Variants in TBL1Y observed in about 807,000 individuals in gnomAD.
TBL1Y encodes F-box-like/WD repeat-containing protein TBL1Y.
In TBL1Y, 15 loss-of-function variants were observed where a neutral mutation model predicts 12.0. That is an observed-to-expected ratio of 1.25 (90% CI 0.83 to 1.92). The LOEUF (loss-of-function observed/expected upper bound fraction) is 1.92, where lower values mean the gene tolerates loss of function less well. TBL1Y is among the 40% of genes most tolerant of loss of function. The pLI is 0.00. For synonymous variants in TBL1Y, 53 were observed against 42.6 expected, an observed-to-expected ratio of 1.24 and a Z score of -0.95; for missense variants, 148 against 116.7, an observed-to-expected ratio of 1.27 and a Z score of -1.24.
intron 5 of TBL1Y, among the ~76,000 whole-genome samples, chrY:7,023,501 T>C (rs2012594387): frequency 3.0e-5 from 1 of 33,099 alleles, no homozygotes; most frequent in African/African-American, 1.2e-4. Flanking sequence ...CTGTTGTAAA[T>C]CGAGAAGGAC....
At chrY:6,998,323 C>G in intron 4 of TBL1Y, among the ~76,000 whole-genome samples, 1 of 33,586 alleles carries the variant, frequency 3.0e-5, no homozygotes, top group Non-Finnish European at 7.3e-5. Flanking sequence ...TTCATGCCCT[C>G]TCTTTGGAGC....
At chrY:7,032,147 T>G (rs2012660036) in intron 6 of TBL1Y, among the ~76,000 whole-genome samples, 1 of 32,215 alleles carries the variant, frequency 3.1e-5, no homozygotes, top group African/African-American at 1.2e-4. Flanking sequence ...ACACCCTATC[T>G]CCACGAAAAA....
At chrY:6,917,102 TG>T (rs2011739943) in intron 2 of TBL1Y, among the ~76,000 whole-genome samples, 1 of 34,272 alleles carries the variant, frequency 2.9e-5, no homozygotes, top group Non-Finnish European at 7.3e-5. Flanking sequence ...TCCCCAGCCT[TG>T]GGCCTCAGGC....
chrY:6,941,148 CAG>C (rs2011949516), intron 2 of TBL1Y, among the ~76,000 whole-genome samples: 1 of 33,198 alleles, frequency 3.0e-5, no homozygotes, highest in African/African-American at 1.2e-4. Flanking sequence ...ATTCTGGGAT[CAG>C]GGGATCCTGG....
intron 6 of TBL1Y, among the ~76,000 whole-genome samples, chrY:7,041,931 C>T: frequency 3.1e-5 from 1 of 32,174 alleles, no homozygotes; most frequent in South Asian, 7.7e-4. Flanking sequence ...CCAACAGCTT[C>T]ATCAAGAGCC....
intron 14 of TBL1Y, among the ~76,000 whole-genome samples, chrY:7,082,672 C>G: frequency 6.0e-5 from 2 of 33,554 alleles, no homozygotes; most frequent in Admixed American, 5.4e-4. Flanking sequence ...ACCTCCTGAG[C>G]TCTCATTGCC....
At chrY:6,942,037 C>T (rs2011955820) in intron 2 of TBL1Y, among the ~76,000 whole-genome samples, 1 of 32,730 alleles carries the variant, frequency 3.1e-5, no homozygotes, top group African/African-American at 1.2e-4. Context: ...CGCCTGTAAT[C>T]TCAGCTACTT....
At chrY:6,979,125 G>A (rs2124127115) in intron 3 of TBL1Y, among the ~76,000 whole-genome samples, 2 of 32,819 alleles carry the variant, frequency 6.1e-5, no homozygotes, top group East Asian at 1.6e-3. Flanking sequence ...AGTAGAGATG[G>A]GGTTTCACCA....
At chrY:7,052,296 T>C in intron 7 of TBL1Y, among the ~76,000 whole-genome samples, 1 of 33,647 alleles carries the variant, frequency 3.0e-5, no homozygotes, top group Non-Finnish European at 7.3e-5. Flanking sequence ...TAAGTCTACA[T>C]ACAAATAAAC....
intron 2 of TBL1Y, among the ~76,000 whole-genome samples, chrY:6,931,191 G>C (rs200092693): frequency 3.0e-5 from 1 of 33,465 alleles, no homozygotes; most frequent in East Asian, 7.9e-4. Flanking sequence ...TCGGGACTTC[G>C]AGGCCAACTT....
At chrY:6,975,069 A>G (rs2012229070) in intron 2 of TBL1Y, among the ~76,000 whole-genome samples, 1 of 33,617 alleles carries the variant, frequency 3.0e-5, no homozygotes, top group African/African-American at 1.2e-4. Context: ...CAATTATCAC[A>G]CACTGGGGGT....
chrY:7,064,529 G>C (rs1052995440), intron 8 of TBL1Y, among the ~76,000 whole-genome samples: 2 of 33,584 alleles, frequency 6.0e-5, no homozygotes, highest in African/African-American at 1.2e-4. Context: ...TGAGTTCATG[G>C]TTCCTGCCGA....
intron 4 of TBL1Y, among the ~76,000 whole-genome samples, chrY:7,004,844 G>T: frequency 6.0e-5 from 2 of 33,391 alleles, no homozygotes; most frequent in Admixed American, 5.5e-4. Context: ...TAAAAGTAGG[G>T]TCCAACCGTG....
At chrY:7,015,335 C>T in intron 4 of TBL1Y, among the ~76,000 whole-genome samples, 4 of 33,034 alleles carry the variant, frequency 1.2e-4, no homozygotes, top group Admixed American at 1.1e-3. Context: ...ACAAATGAAT[C>T]AGCAGTAAGA....
At chrY:6,944,374 A>C in intron 2 of TBL1Y, among the ~76,000 whole-genome samples, 1 of 34,505 alleles carries the variant, frequency 2.9e-5, no homozygotes, top group East Asian at 7.5e-4. Context: ...TGCAGTTGTC[A>C]AAATATCAAA....
At chrY:6,912,347 A>C in intron 2 of TBL1Y, among the ~76,000 whole-genome samples, 175 bp downstream of exon 2, 3 of 33,895 alleles carry the variant, frequency 8.9e-5, no homozygotes, top group Admixed American at 8.0e-4. Context: ...GGTAACTGAC[A>C]CAACAAAAGT....
intron 4 of TBL1Y, among the ~76,000 whole-genome samples, chrY:7,012,578 C>T: frequency 2.9e-5 from 1 of 33,921 alleles, no homozygotes; most frequent in African/African-American, 1.1e-4. Context: ...AGGTTACTAC[C>T]GACTCCAATA....
chrY:6,929,585 G>A, intron 2 of TBL1Y, among the ~76,000 whole-genome samples: 1 of 32,830 alleles, frequency 3.0e-5, no homozygotes, highest in South Asian at 7.1e-4. Context: ...CTGGGTGGTT[G>A]CAGCTGCACC....
rs543773114 is a variant in TBL1Y at position 6,998,160 on chromosome Y, G to A, written c.-140+2262G>A. Among the ~76,000 whole-genome samples the A allele has an allele frequency of 7.6e-4, 26 of 34,110 alleles. No homozygotes were observed. In the East Asian group the frequency reaches 0.018, roughly 24 times the overall value. 91.5% of individuals were successfully genotyped at this position (34,110 alleles called of 37,273 possible). ...TACTGGAATGTAAATGCCAAAAGCC[G>A]GAGCTCATGTGTGCCATTTGAGAAG... On this transcript the variant is annotated intron_variant, in intron 4 of 18. Transcript: ENST00000383032.
Sources: allele counts gnomAD v4.1 joint callset (sites outside exome capture counted in the v4.1 genomes callset), GRCh38; gene constraint gnomAD v4.1.1; transcripts MANE v1.5; gene names NCBI Gene and HGNC (gene_info 2026-07-23, HGNC 2026-07-21).